CSMD1: variants seen among roughly 807,000 people sequenced by gnomAD.
CSMD1 encodes CUB and sushi domain-containing protein 1.
A neutral mutation model predicts 417.5 loss-of-function variants in CSMD1; 213 were observed. The ratio of observed to expected loss-of-function variants is 0.51; its 90% CI spans 0.46 to 0.57. The LOEUF (loss-of-function observed/expected upper bound fraction) is 0.57. Among genes scored for constraint, CSMD1 ranks in the 20% least tolerant of loss-of-function variants. The probability of loss-of-function intolerance (pLI) is 0.00; values close to 1 mark genes in which losing one functional copy is unlikely to be tolerated. For synonymous variants in CSMD1, 2,862 were observed against 1,736.8 expected (o/e 1.65, Z -16.11); for missense variants, 6,923 against 4,529.7 (o/e 1.53, Z -15.17).
At chr8:4,358,337 C>T (rs1032086078) in intron 3 of CSMD1, among the ~76,000 whole-genome samples, 25 of 152,034 alleles carry the variant, frequency 1.6e-4, no homozygotes, top group African/African-American at 5.3e-4. Context: ...TTTGTAAGGC[C>T]CATGAGCTTA....
chr8:3,701,497 T>C (rs4242518), intron 7 of CSMD1, among the ~76,000 whole-genome samples: 84,080 of 144,386 alleles, frequency 0.58, 23,411 homozygotes, highest in Admixed American at 0.66. Flanking sequence ...CTTCAGGATA[T>C]AGGATTAAAC....
At chr8:4,685,186 G>A (rs749989685) in intron 1 of CSMD1, among the ~76,000 whole-genome samples, 1 of 152,184 alleles carries the variant, frequency 6.6e-6, no homozygotes, top group African/African-American at 2.4e-5. Flanking sequence ...AAGGGCACAA[G>A]GAATCTCAAA....
At chr8:3,665,217 G>A (rs1293615412) in intron 7 of CSMD1, among the ~76,000 whole-genome samples, 1 of 152,058 alleles carries the variant, frequency 6.6e-6, no homozygotes, top group South Asian at 2.1e-4. Context: ...ATATTGTTTT[G>A]CTAAATAAAA....
chr8:4,209,904 C>A (rs1800207276), intron 3 of CSMD1, among the ~76,000 whole-genome samples: 1 of 152,128 alleles, frequency 6.6e-6, no homozygotes, highest in Non-Finnish European at 1.5e-5. Context: ...GACAGGTGGT[C>A]TCCATGGAAA....
intron 5 of CSMD1, among the ~76,000 whole-genome samples, chr8:3,802,523 G>A (rs1335522953): frequency 1.3e-5 from 2 of 151,994 alleles, no homozygotes; most frequent in Non-Finnish European, 2.9e-5. Flanking sequence ...AAGCTCAGTG[G>A]GAAATACATT....
At chr8:3,625,740 A>T (rs1344392029) in intron 7 of CSMD1, among the ~76,000 whole-genome samples, 1 of 152,112 alleles carries the variant, frequency 6.6e-6, no homozygotes, top group Non-Finnish European at 1.5e-5. Flanking sequence ...ACTACTCCCT[A>T]CAGAGATCCT....
intron 10 of CSMD1, among the ~76,000 whole-genome samples, chr8:3,537,476 G>T (rs181227829): frequency 6.6e-6 from 1 of 152,182 alleles, no homozygotes; most frequent in Non-Finnish European, 1.5e-5. Flanking sequence ...AATATGTAAA[G>T]TGATTTCCTC....
At chr8:4,258,901 T>A (rs907835840) in intron 3 of CSMD1, among the ~76,000 whole-genome samples, 6 of 152,166 alleles carry the variant, frequency 3.9e-5, no homozygotes, top group African/African-American at 1.2e-4. Flanking sequence ...GTTTTAAACT[T>A]TGCTTTGTTC....
intron 5 of CSMD1, among the ~76,000 whole-genome samples, chr8:3,765,377 A>G (rs1336115663): frequency 6.6e-6 from 1 of 152,144 alleles, no homozygotes; most frequent in Admixed American, 6.5e-5. Flanking sequence ...TGTCTTTAAT[A>G]GACTTAACCA....
At chr8:3,107,303 A>G (rs142370620) in intron 45 of CSMD1, 2 of 159,238 alleles carry the variant, frequency 1.3e-5, no homozygotes, top group East Asian at 1.9e-4. Context: ...TTTCAATGAA[A>G]TGTCACTGTT....
At chr8:3,911,546 A>AG (rs1027915142) in intron 5 of CSMD1, among the ~76,000 whole-genome samples, 2 of 151,634 alleles carry the variant, frequency 1.3e-5, no homozygotes, top group African/African-American at 2.4e-5. Flanking sequence ...AAAAAAAAAA[A>AG]AAGAAGAAGA....
chr8:4,165,176 C>G (rs545189207), intron 3 of CSMD1, among the ~76,000 whole-genome samples: 1 of 152,174 alleles, frequency 6.6e-6, no homozygotes, highest in Non-Finnish European at 1.5e-5. Context: ...ATACCTACGC[C>G]TAGCCAGTAA....
chr8:3,836,543 G>C (rs1457216945), intron 5 of CSMD1, among the ~76,000 whole-genome samples: 2 of 152,202 alleles, frequency 1.3e-5, no homozygotes, highest in South Asian at 2.1e-4. Flanking sequence ...AACTAGGATG[G>C]AGTGAGTCAG....
At chr8:4,005,745 A>T (rs1454067254) in intron 4 of CSMD1, among the ~76,000 whole-genome samples, 2 of 152,172 alleles carry the variant, frequency 1.3e-5, no homozygotes, top group Non-Finnish European at 2.9e-5. Context: ...TGTGGAAGTG[A>T]GTTATTGTAT....
At chr8:4,529,622 G>A (rs533710261) in intron 2 of CSMD1, among the ~76,000 whole-genome samples, 1 of 152,048 alleles carries the variant, frequency 6.6e-6, no homozygotes, top group Non-Finnish European at 1.5e-5. Context: ...AAAGACAAAA[G>A]ACAACCACAA....
intron 1 of CSMD1, among the ~76,000 whole-genome samples, chr8:4,647,307 C>A (rs1314620613): frequency 6.8e-6 from 1 of 147,378 alleles, no homozygotes; most frequent in Non-Finnish European, 1.5e-5. Context: ...AGGTTTGTTA[C>A]ATAGGTATAC....
At chr8:3,926,016 C>T (rs1809641169) in intron 5 of CSMD1, among the ~76,000 whole-genome samples, 3 of 92,496 alleles carry the variant, frequency 3.2e-5, no homozygotes, top group Admixed American at 2.5e-4. Flanking sequence ...TTTGTCTATA[C>T]ACACACACAC....
chr8:3,408,156 C>T lies in CSMD1; in HGVS notation c.1814G>A (p.Gly605Glu). The T allele has an allele frequency of 6.2e-7, 1 of 1,613,138 alleles. No individual in the cohort carries two copies. The highest frequency in any genetic ancestry group is 8.5e-7 in the Non-Finnish European group (1 of 1,179,454). Residue 605 changes from glycine to glutamate, a missense_variant, in exon 14 of 70, where the codon GGG becomes GAG. Coordinates refer to ENST00000635120, the MANE Select transcript of CSMD1 (RefSeq NM_033225.6). ...ILSPNYPEEYGNNMNCVWLII... is the reference protein window; with the variant it reads ...ILSPNYPEEYENNMNCVWLII... Reference sequence around the variant, plus strand: ...CAACCAGACACAGTTCATGTTGTTCCCATATTCCTCTGGATAATTTGGTGA... The same window carrying T: ...CAACCAGACACAGTTCATGTTGTTCTCATATTCCTCTGGATAATTTGGTGA...
chr8:3,523,578 TAC>T (rs920694301), intron 10 of CSMD1, among the ~76,000 whole-genome samples: 4 of 149,368 alleles, frequency 2.7e-5, no homozygotes, highest in African/African-American at 7.4e-5. Context: ...CACACACATG[TAC>T]ACACAGACAT....
Sources: gnomAD v4.1 joint callset for allele counts (sites outside exome capture counted in the v4.1 genomes callset) on GRCh38, gnomAD v4.1.1 for gene constraint, MANE v1.5 for transcripts, NCBI Gene and HGNC (gene_info 2026-07-23, HGNC 2026-07-21) for gene names.